The following GNA14 variants were observed in gnomAD, a reference collection of about 807,000 sequenced individuals.
GNA14 encodes the protein G protein subunit alpha 14.
GNA14 carries 50 observed loss-of-function variants against 42.0 expected under a neutral mutation model. The observed-to-expected ratio is 1.19, with a 90% CI of 0.95 to 1.51. The LOEUF (loss-of-function observed/expected upper bound fraction) is 1.51, where lower values mean the gene tolerates loss of function less well. GNA14 is among the 40% of genes most tolerant of loss of function. The probability of loss-of-function intolerance (pLI) is 0.00; values close to 1 mark genes in which losing one functional copy is unlikely to be tolerated. For missense variants in GNA14, 473 were observed against 446.2 expected, an observed-to-expected ratio of 1.06 and a Z score of -0.54; for synonymous variants, 173 against 163.1, an observed-to-expected ratio of 1.06 and a Z score of -0.46.
At chr9:77,634,796 TAAAG>T (rs1824155390) in intron 1 of GNA14, among the ~76,000 whole-genome samples, 1 of 152,202 alleles carries the variant, frequency 6.6e-6, no homozygotes, top group Admixed American at 6.5e-5. Context: ...TAAACCACTA[TAAAG>T]AGAGAGACAT....
chr9:77,562,881 G>A (rs1822905843), intron 1 of GNA14, among the ~76,000 whole-genome samples: 1 of 152,104 alleles, frequency 6.6e-6, no homozygotes, highest in African/African-American at 2.4e-5. Context: ...CACTGTAAGT[G>A]GTCTTTTCCT....
intron 2 of GNA14, among the ~76,000 whole-genome samples, chr9:77,462,285 C>T (rs984221186): frequency 2.6e-5 from 4 of 152,168 alleles, no homozygotes; most frequent in South Asian, 2.1e-4. Context: ...GGGAGCTCCC[C>T]GGGGCTCAGG....
intron 2 of GNA14, among the ~76,000 whole-genome samples, chr9:77,490,115 G>A (rs1003487854): frequency 1.3e-5 from 2 of 152,170 alleles, no homozygotes; most frequent in Non-Finnish European, 2.9e-5. Flanking sequence ...GCTAAACACA[G>A]GGTGCTGATT....
intron 2 of GNA14, among the ~76,000 whole-genome samples, chr9:77,464,043 C>T (rs1448224155): frequency 1.3e-5 from 2 of 152,060 alleles, no homozygotes; most frequent in African/African-American, 4.8e-5. Context: ...CTTTGTTGCC[C>T]AGGTTGGAGT....
intron 1 of GNA14, among the ~76,000 whole-genome samples, chr9:77,606,584 C>G (rs947946908): frequency 1.3e-5 from 2 of 152,164 alleles, no homozygotes; most frequent in African/African-American, 4.8e-5. Flanking sequence ...ACTGGTAATG[C>G]TCAGTGCAAC....
chr9:77,643,204 C>A (rs1233707804), intron 1 of GNA14, among the ~76,000 whole-genome samples: 1 of 151,742 alleles, frequency 6.6e-6, no homozygotes, highest in East Asian at 1.9e-4. Flanking sequence ...TTTACCATTT[C>A]ATTCCTTTTC....
rs1253025891 is a variant in GNA14 at position 77,434,238 on chromosome 9, G to T, written c.464+130C>A. 3 of 805,912 alleles carry T rather than the reference G, an allele frequency of 3.7e-6. No individual in the cohort carries two copies. The East Asian group carries it at 7.6e-5, about 20-fold the overall frequency. The allele number at this position is 805,912 out of a possible 1,614,324, so 49.9% of individuals were successfully genotyped here. ...GGCACTAAGAGGTCAGGAGGGATATGGGAAAGCAAAGGCAAGTAGCGCTGC... is the reference window on the plus strand; with the variant it reads ...GGCACTAAGAGGTCAGGAGGGATATTGGAAAGCAAAGGCAAGTAGCGCTGC... On this transcript the variant is annotated intron_variant, in intron 3 of 6. Transcript: ENST00000341700.
chr9:77,525,905 T>C (rs1837427779), intron 2 of GNA14, among the ~76,000 whole-genome samples: 1 of 81,162 alleles, frequency 1.2e-5, no homozygotes, highest in African/African-American at 4.6e-5. Context: ...TTTGGGACTT[T>C]TTTTAAAAAA....
intron 4 of GNA14, among the ~76,000 whole-genome samples, chr9:77,430,529 A>C (rs1835529189): frequency 6.6e-6 from 1 of 152,154 alleles, no homozygotes; most frequent in Non-Finnish European, 1.5e-5. Context: ...TAGATGGGGG[A>C]CATGTTTGAG....
chr9:77,591,853 C>T (rs939131061), intron 1 of GNA14, among the ~76,000 whole-genome samples: 1 of 152,104 alleles, frequency 6.6e-6, no homozygotes, highest in Admixed American at 6.6e-5. Flanking sequence ...ATGCACCCAA[C>T]AGCCTAGCTC....
chr9:77,612,086 T>A (rs1823744660), intron 1 of GNA14, among the ~76,000 whole-genome samples: 1 of 151,686 alleles, frequency 6.6e-6, no homozygotes, highest in African/African-American at 2.4e-5. Context: ...TACTAGAAAC[T>A]AGGCTAAAGA....
chr9:77,504,957 C>T lies in GNA14; in HGVS notation c.309+24112G>A, dbSNP rs371820316. Among the ~76,000 whole-genome samples, 494 of 152,200 alleles carry T rather than the reference C, an allele frequency of 3.2e-3. 2 individuals carry two copies. The highest frequency in any genetic ancestry group is 0.012 in the African/African-American group (485 of 41,534). Reference sequence around the variant, plus strand: ...CTGGGATTACAGGCATATGAGCCACCGTGCCCGGCCTCTAGTTGACTTTAA... The same window carrying T: ...CTGGGATTACAGGCATATGAGCCACTGTGCCCGGCCTCTAGTTGACTTTAA... On this transcript the variant is annotated intron_variant, in intron 2 of 6. Transcript: ENST00000341700.
At chr9:77,515,572 T>C (rs186112609) in intron 2 of GNA14, among the ~76,000 whole-genome samples, 19 of 152,320 alleles carry the variant, frequency 1.2e-4, no homozygotes, top group African/African-American at 4.1e-4. Flanking sequence ...GGTGTTCATC[T>C]GGAATTCAAA....
In GNA14 at chr9:77,438,580, T is replaced by TA. The variant is rs201883036; in HGVS notation, c.310-4059dup. 1.4e-4 allele frequency among the ~76,000 whole-genome samples: 21 copies of TA among 151,544 alleles called. No individual in the cohort carries two copies. The South Asian group carries it at 1.9e-3, about 14-fold the overall frequency. ...ACCACGCCTAGCCGATTTTTTTTTT[T>TA]AAAAAAAACCTTTTACTGTGAAATA... On this transcript the variant is annotated intron_variant, in intron 2 of 6. Coordinates refer to ENST00000341700, the MANE Select transcript of GNA14 (RefSeq NM_004297.4).
chr9:77,603,956 CAAAAAAAA>C (rs67044542), intron 1 of GNA14, among the ~76,000 whole-genome samples: 2 of 81,606 alleles, frequency 2.5e-5, no homozygotes, highest in African/African-American at 5.0e-5. Flanking sequence ...AAAAAAAAAA[CAAAAAAAA>C]AAAAAAAAAA....
chr9:77,518,322 T>A (rs1210887942), intron 2 of GNA14, among the ~76,000 whole-genome samples: 3 of 152,134 alleles, frequency 2.0e-5, no homozygotes, highest in African/African-American at 7.2e-5. Flanking sequence ...TTTGGAGTAA[T>A]TACTAACATT....
rs142136283 is a variant in GNA14, at chr9:77,540,359, A to T, written c.125-11106T>A. ...AATAACAGTATAATTTTGATTTTTT[A>T]AAATGTGTTGAGGCTTGTTTTGTGG... On this transcript the variant is annotated intron_variant, in intron 1 of 6. Coordinates refer to ENST00000341700, the MANE Select transcript of GNA14 (RefSeq NM_004297.4). 1.5e-3 allele frequency among the ~76,000 whole-genome samples: 235 copies of T among 152,230 alleles called. 2 individuals carry two copies. Among genetic ancestry groups the T allele is most frequent in the African/African-American group, 5.4e-3 (225 of 41,566 alleles).
intron 2 of GNA14, among the ~76,000 whole-genome samples, chr9:77,460,268 C>T (rs1000067730): frequency 6.6e-6 from 1 of 152,168 alleles, no homozygotes; most frequent in African/African-American, 2.4e-5. Flanking sequence ...GAGGGAGACA[C>T]AGGGCAGAGG....
chr9:77,535,309 C>A (rs1165384770), intron 1 of GNA14, among the ~76,000 whole-genome samples: 3 of 152,164 alleles, frequency 2.0e-5, no homozygotes, highest in Admixed American at 2.0e-4. Context: ...GAGGCGGAGG[C>A]GGAGGCGGGA....
Sources: allele counts gnomAD v4.1 joint callset (sites outside exome capture counted in the v4.1 genomes callset), GRCh38; gene constraint gnomAD v4.1.1; transcripts MANE v1.5; gene names NCBI Gene and HGNC (gene_info 2026-07-23, HGNC 2026-07-21).